ADCY1: variants seen among roughly 807,000 people sequenced by gnomAD.
ADCY1 encodes adenylate cyclase 1.
In ADCY1, 28 loss-of-function variants were observed where a neutral mutation model predicts 105.4. That is an observed-to-expected ratio of 0.27 (90% CI 0.20 to 0.36). ADCY1 has a LOEUF of 0.36. Among genes scored for constraint, ADCY1 ranks in the 10% least tolerant of loss-of-function variants. The pLI is 1.00. For synonymous variants in ADCY1, 655 were observed against 623.8 expected (o/e 1.05, Z -0.75); for missense variants, 977 against 1,434.2 (o/e 0.68, Z 5.15).
Position 45,592,925 on chromosome 7 carries a change from A to G in ADCY1, c.789+17A>G, listed in dbSNP as rs767149134. ...GAGAAGCAGGTCAGTGGCTTGGGCCAGTCAGCCTAGAGGGGTTGGCTGTGG... is the reference window on the plus strand; with the variant it reads ...GAGAAGCAGGTCAGTGGCTTGGGCCGGTCAGCCTAGAGGGGTTGGCTGTGG... On this transcript the variant is annotated intron_variant, in intron 2 of 19. Coordinates refer to ENST00000297323, the MANE Select transcript of ADCY1 (RefSeq NM_021116.4). 1 of 1,614,090 alleles carries G rather than the reference A, an allele frequency of 6.2e-7. No homozygotes were observed. Among genetic ancestry groups the G allele is most frequent in the South Asian group, 1.1e-5 (1 of 91,082 alleles).
At chr7:45,701,137 T>A (rs1432156244) in intron 14 of ADCY1, among the ~76,000 whole-genome samples, 1 of 152,240 alleles carries the variant, frequency 6.6e-6, no homozygotes, top group Non-Finnish European at 1.5e-5. Flanking sequence ...GCCCACTAAT[T>A]CTTTCTTAAG....
At chr7:45,676,052 T>G (rs1474965991) in intron 8 of ADCY1, among the ~76,000 whole-genome samples, 1 of 151,946 alleles carries the variant, frequency 6.6e-6, no homozygotes, top group Non-Finnish European at 1.5e-5. Flanking sequence ...TGTTTTGTTT[T>G]TTTTTTTTAA....
chr7:45,712,069 A>G (rs1785268211), intron 19 of ADCY1, among the ~76,000 whole-genome samples: 1 of 131,586 alleles, frequency 7.6e-6, no homozygotes, highest in African/African-American at 2.9e-5. Flanking sequence ...TATATATTTT[A>G]TATATTATAT....
intron 14 of ADCY1, among the ~76,000 whole-genome samples, chr7:45,689,635 A>C (rs576673986): frequency 1.3e-5 from 2 of 152,286 alleles, no homozygotes; most frequent in South Asian, 4.2e-4. Flanking sequence ...CATCTCCAAC[A>C]CTAGGATTAC....
In ADCY1 at chr7:45,687,172, G is replaced by A. The variant is rs573780619; in HGVS notation, c.2454+499G>A. Reference sequence around the variant, plus strand: ...ACCCTGGGAAATTCTGACACAAGAGGCATAAGCACCACTCTTTGGGAGACT... The same window carrying A: ...ACCCTGGGAAATTCTGACACAAGAGACATAAGCACCACTCTTTGGGAGACT... On this transcript the variant is annotated intron_variant, in intron 14 of 19. Transcript: ENST00000297323. Among the ~76,000 whole-genome samples the A allele has an allele frequency of 3.7e-4, 57 of 152,202 alleles. No homozygotes were observed. In the South Asian group the frequency reaches 0.012, roughly 32 times the overall value.
At chr7:45,610,335 G>T in intron 2 of ADCY1, 44 bp from the exon 3 acceptor site, 1 of 1,560,466 alleles carries the variant, frequency 6.4e-7, no homozygotes, top group Non-Finnish European at 8.8e-7. Context: ...GGAGTGGAGG[G>T]AGGGGGCCCT....
intron 1 of ADCY1, among the ~76,000 whole-genome samples, chr7:45,580,851 G>A (rs1792513883): frequency 6.6e-6 from 1 of 152,196 alleles, no homozygotes; most frequent in Non-Finnish European, 1.5e-5. Flanking sequence ...GCGGTCAGTG[G>A]TGTCCGCTTG....
intron 3 of ADCY1, among the ~76,000 whole-genome samples, chr7:45,620,052 T>C (rs1436504293): frequency 6.6e-6 from 1 of 152,174 alleles, no homozygotes; most frequent in Non-Finnish European, 1.5e-5. Context: ...TAAAATGAAA[T>C]GCTGTTAAGC....
At chr7:45,673,134 T>C (rs896564462) in intron 8 of ADCY1, among the ~76,000 whole-genome samples, 2 of 152,154 alleles carry the variant, frequency 1.3e-5, no homozygotes, top group Non-Finnish European at 2.9e-5. Flanking sequence ...ATCCCTAGAA[T>C]TGTTTATTCT....
At chr7:45,621,072 A>G (rs984261691) in intron 3 of ADCY1, among the ~76,000 whole-genome samples, 5 of 151,826 alleles carry the variant, frequency 3.3e-5, no homozygotes, top group Non-Finnish European at 4.4e-5. Context: ...GTTTGTTCAA[A>G]TCCTTTTTTT....
chr7:45,706,917 C>CA lies in ADCY1; in HGVS notation c.2818-1429dup, dbSNP rs746256544. ...CAAACAATTCGAACAGGCACCTCAC[C>CA]AAAAGAGATGCAGATGACAGATAGG... On this transcript the variant is annotated intron_variant, in intron 17 of 19. Transcript: ENST00000297323. Among the ~76,000 whole-genome samples, 4 of 152,202 alleles carry CA rather than the reference C, an allele frequency of 2.6e-5. No individual in the cohort carries two copies. The East Asian group carries it at 7.7e-4, about 29-fold the overall frequency.
At chr7:45,600,073 G>A (rs935425794) in intron 2 of ADCY1, among the ~76,000 whole-genome samples, 2 of 152,238 alleles carry the variant, frequency 1.3e-5, no homozygotes, top group African/African-American at 2.4e-5. Flanking sequence ...AAGATATAGA[G>A]CCCAGGTGTG....
In ADCY1 at chr7:45,703,164, A is replaced by C; in HGVS notation, c.2455-212A>C. Among the ~76,000 whole-genome samples the C allele has an allele frequency of 6.6e-6, 1 of 152,290 alleles. No homozygotes were observed. Among genetic ancestry groups the C allele is most frequent in the East Asian group, 1.9e-4 (1 of 5,174 alleles). ...GTTTGTCCTTTGGACATTCTAGCAG[A>C]TGAGGTGGTGACTTAGGCAGACATC... On this transcript the variant is annotated intron_variant, in intron 14 of 19. Transcript: ENST00000297323. This position sits in a 1 kb window ranked among gnomAD's most constrained non-coding sequence, Gnocchi z 5.9.
intron 8 of ADCY1, chr7:45,664,520 AT>A (rs1275517046): frequency 8.7e-6 from 12 of 1,380,492 alleles, no homozygotes; most frequent in African/African-American, 1.4e-5. Flanking sequence ...ATTATGGAAA[AT>A]ATGGAGAACA....
At chr7:45,639,352 C>A (rs1031546159) in intron 4 of ADCY1, among the ~76,000 whole-genome samples, 2 of 152,184 alleles carry the variant, frequency 1.3e-5, no homozygotes, top group African/African-American at 4.8e-5. Flanking sequence ...CTGCCAAGGC[C>A]CAGTCTCATT....
At chr7:45,638,427 C>G (rs138281733) in intron 4 of ADCY1, among the ~76,000 whole-genome samples, 1 of 150,912 alleles carries the variant, frequency 6.6e-6, no homozygotes, top group Non-Finnish European at 1.5e-5. Flanking sequence ...ATCTTTTTTC[C>G]CTTTGTTGAG....
intron 17 of ADCY1, among the ~76,000 whole-genome samples, chr7:45,705,155 A>G (rs1442358851): frequency 6.6e-6 from 1 of 152,218 alleles, no homozygotes; most frequent in Non-Finnish European, 1.5e-5. Context: ...TAAGGAAGAA[A>G]TTACACCAGT....
Position 45,592,872 on chromosome 7 carries a change from G to A in ADCY1, c.753G>A (p.Glu251=). Residue 251 remains glutamate, a synonymous_variant, in exon 2 of 20, where the codon GAG becomes GAA. Transcript: ENST00000297323. ...KAFLQARSCI[E]DRLRLEDENE... The stretch of plus-strand genomic sequence containing the variant: ...TCCTGCAGGCCCGGAGCTGCATTGA[G>A]GACCGACTGAGGCTGGAGGATGAGA... The A allele has an allele frequency of 6.2e-7, 1 of 1,614,230 alleles. No individual in the cohort carries two copies. The highest frequency in any genetic ancestry group is 1.6e-4 in the Middle Eastern group (1 of 6,062).
At chr7:45,705,739 A>G (rs531464201) in intron 17 of ADCY1, among the ~76,000 whole-genome samples, 4 of 152,238 alleles carry the variant, frequency 2.6e-5, no homozygotes, top group South Asian at 4.1e-4. Context: ...AACAGAAGGC[A>G]TACAGACTGA....
Sources: gnomAD v4.1 joint callset for allele counts (sites outside exome capture counted in the v4.1 genomes callset) on GRCh38, gnomAD v4.1.1 for gene constraint, Gnocchi (gnomAD v3.1) non-coding constraint, MANE v1.5 for transcripts, NCBI Gene and HGNC (gene_info 2026-07-23, HGNC 2026-07-21) for gene names.